The following LMNA variants were observed in gnomAD, a reference collection of about 807,000 sequenced individuals.
LMNA encodes the protein lamin A/C.
Under a neutral mutation model 70.4 loss-of-function variants are expected in LMNA, and 20 were observed. That is an observed-to-expected ratio of 0.28 (90% CI 0.20 to 0.41). The LOEUF is 0.41. Ranked by LOEUF, LMNA falls within the 10% of genes least tolerant of loss-of-function variation. The pLI is 1.00. For synonymous variants in LMNA, 339 were observed against 372.8 expected, an observed-to-expected ratio of 0.91 and a Z score of 1.04; for missense variants, 652 against 917.2, an observed-to-expected ratio of 0.71 and a Z score of 3.73.
chr1:156,129,424 A>G (rs935829652), intron 1 of LMNA, among the ~76,000 whole-genome samples: 1 of 152,024 alleles, frequency 6.6e-6, no homozygotes, highest in African/African-American at 2.4e-5. Flanking sequence ...GGCCTCTTGG[A>G]GTTTAGGACT....
In LMNA at chr1:156,139,761, T is replaced by G. The variant is rs1651955430; in HGVS notation, c.*655T>G. The G allele has an allele frequency of 6.5e-7, 1 of 1,534,218 alleles. No individual in the cohort carries two copies. The highest frequency in any genetic ancestry group is 8.7e-7 in the Non-Finnish European group (1 of 1,146,582). Reference sequence around the variant, plus strand: ...ACCAGCTGCGCTTGCTTTTCTGTATTTTATTTAGACAAGAGATGGGAATGA... The same window carrying G: ...ACCAGCTGCGCTTGCTTTTCTGTATGTTATTTAGACAAGAGATGGGAATGA... On this transcript the variant is annotated 3_prime_UTR_variant, in exon 12 of 12. Coordinates refer to ENST00000368300, the MANE Select transcript of LMNA (RefSeq NM_170707.4).
In LMNA at chr1:156,138,486, A is replaced by G. The variant is rs2102901069; in HGVS notation, c.1699-2A>G. 1.2e-6 allele frequency: 2 copies of G among 1,611,746 alleles called. No homozygotes were observed. The highest frequency in any genetic ancestry group is 1.7e-6 in the Non-Finnish European group (2 of 1,179,626). ...CCGCCTGAGCCTTGTCTCCCTTCCCAGGGCTCCCACTGCAGCAGCTCGGGG... is the reference window on the plus strand; with the variant it reads ...CCGCCTGAGCCTTGTCTCCCTTCCCGGGGCTCCCACTGCAGCAGCTCGGGG... On this transcript the variant is annotated splice_acceptor_variant, in intron 10 of 11. Coordinates refer to ENST00000368300, the MANE Select transcript of LMNA (RefSeq NM_170707.4). LOFTEE classifies it high-confidence loss of function. This position sits in a 1 kb window ranked among gnomAD's most constrained non-coding sequence, Gnocchi z 5.5.
chr1:156,136,371 C>A lies in LMNA; in HGVS notation c.1315C>A (p.Arg439Ser). 8 of 1,611,836 alleles carry A rather than the reference C, an allele frequency of 5.0e-6. No homozygotes were observed. Among genetic ancestry groups the A allele is most frequent in the Non-Finnish European group, 6.8e-6 (8 of 1,179,864 alleles). Residue 439 changes from arginine to serine, a missense_variant, in exon 7 of 12, where the codon CGC becomes AGC. Physicochemically the swap from Arg to Ser is moderately radical, Grantham distance 110 (BLOSUM62 -1). Transcript: ENST00000368300. This position sits in a 1 kb window ranked among gnomAD's most constrained non-coding sequence, Gnocchi z 6.1. ...CTCACAGCACGCACGCACTAGCGGG[C>A]GCGTGGCCGTGGAGGAGGTGGATGA... ...SFSQHARTSG[R>S]VAVEEVDEEG...
In LMNA at chr1:156,137,915, G is replaced by A; in HGVS notation, c.1698+172G>A. 7.1e-7 allele frequency: 1 copy of A among 1,404,618 alleles called. No individual in the cohort carries two copies. Among genetic ancestry groups the A allele is most frequent in the African/African-American group, 1.4e-5 (1 of 69,970 alleles). The allele number at this position is 1,404,618 out of a possible 1,614,324, so 87.0% of individuals were successfully genotyped here. On this transcript the variant is annotated intron_variant, in intron 10 of 11. Transcript: ENST00000368300. This position sits in a 1 kb window ranked among gnomAD's most constrained non-coding sequence, Gnocchi z 4.6. ...CTCTCCTCCCTATACCTTGAACAGG[G>A]AACCCAGGTGTCTGGGTGCCCTACT...
chr1:156,122,061 C>T (rs1393164301), intron 1 of LMNA, among the ~76,000 whole-genome samples: 4 of 152,008 alleles, frequency 2.6e-5, no homozygotes, highest in Non-Finnish European at 2.9e-5. Flanking sequence ...GCCGAGATCA[C>T]GCCACTGCAC....
At chr1:156,117,729 G>A (rs1020660970) in intron 1 of LMNA, among the ~76,000 whole-genome samples, 20 of 151,984 alleles carry the variant, frequency 1.3e-4, no homozygotes, top group Non-Finnish European at 2.8e-4. Context: ...ATGGGGTTTT[G>A]CCATGTTGCC....
intron 2 of LMNA, among the ~76,000 whole-genome samples, chr1:156,084,390 C>T (rs1027495622): frequency 6.9e-6 from 1 of 145,846 alleles, no homozygotes; most frequent in African/African-American, 2.6e-5. Flanking sequence ...GGCAGAAGAT[C>T]CAGGGAAGGA....
chr1:156,119,908 CAT>C (rs1456971672), intron 1 of LMNA, among the ~76,000 whole-genome samples: 2 of 152,222 alleles, frequency 1.3e-5, no homozygotes, highest in Non-Finnish European at 2.9e-5. Flanking sequence ...TGTCTGGACA[CAT>C]AGCTCTCTCT....
chr1:156,121,991 A>C (rs1279491713), intron 1 of LMNA, among the ~76,000 whole-genome samples: 1 of 152,138 alleles, frequency 6.6e-6, no homozygotes, highest in Admixed American at 6.6e-5. Context: ...CCCTGTCTCT[A>C]CTAAAAATAC....
At chr1:156,086,114 A>T (rs1416649814) in intron 2 of LMNA, among the ~76,000 whole-genome samples, 1 of 152,194 alleles carries the variant, frequency 6.6e-6, no homozygotes, top group Non-Finnish European at 1.5e-5. Context: ...GTGTTCAATC[A>T]GTTTTAGTTT....
intron 2 of LMNA, among the ~76,000 whole-genome samples, chr1:156,131,002 T>G (rs1651016655): frequency 6.6e-6 from 1 of 152,194 alleles, no homozygotes. Flanking sequence ...CCGGGCATGG[T>G]GGTTCACGCC....
At chr1:156,104,023 C>T (rs939388580) in intron 3 of LMNA, among the ~76,000 whole-genome samples, 1 of 152,192 alleles carries the variant, frequency 6.6e-6, no homozygotes, top group African/African-American at 2.4e-5. Context: ...TTCACAGCCC[C>T]CACTGAAGGA....
At chr1:156,117,022 T>C (rs1649872329) in intron 1 of LMNA, among the ~76,000 whole-genome samples, 1 of 150,188 alleles carries the variant, frequency 6.7e-6, no homozygotes, top group South Asian at 2.1e-4. Flanking sequence ...CAAAAGATTC[T>C]CCTGCCTCAG....
At chr1:156,118,587 G>A (rs866304282) in intron 1 of LMNA, among the ~76,000 whole-genome samples, 19 of 152,296 alleles carry the variant, frequency 1.2e-4, no homozygotes, top group Middle Eastern at 6.8e-3. Context: ...GACTCAGACT[G>A]GGGTGTCTGT....
intron 3 of LMNA, among the ~76,000 whole-genome samples, chr1:156,099,101 GC>G (rs1291394992): frequency 6.6e-6 from 1 of 152,170 alleles, no homozygotes; most frequent in African/African-American, 2.4e-5. Flanking sequence ...AGGGAGGCAG[GC>G]AGGCAAAGGC....
intron 1 of LMNA, chr1:156,130,039 A>G (rs666869): frequency 0.079 from 48,421 of 612,380 alleles, 5,036 homozygotes; most frequent in African/African-American, 0.39. Context: ...GTGCCTGGTC[A>G]TCCTTGTCTG....
Position 156,135,204 on chromosome 1 carries a change from G to A in LMNA, c.828G>A (p.Gln276=). 6.2e-7 allele frequency: 1 copy of A among 1,614,022 alleles called. No homozygotes were observed. Among genetic ancestry groups the A allele is most frequent in the African/African-American group, 1.3e-5 (1 of 75,074 alleles). ...TYSAKLDNAR[Q]SAERNSNLVG... ...CCCTCCAGCTGGACAATGCCAGGCAGTCTGCTGAGAGGAACAGCAACCTGG... is the reference window on the plus strand; with the variant it reads ...CCCTCCAGCTGGACAATGCCAGGCAATCTGCTGAGAGGAACAGCAACCTGG... The change falls in exon 5 of 12, where the codon CAG becomes CAA. Residue 276 remains glutamine, a synonymous_variant. Coordinates refer to ENST00000368300, the MANE Select transcript of LMNA (RefSeq NM_170707.4). The surrounding 1 kb of genome is among the most constrained non-coding windows in gnomAD (Gnocchi z 4.8).
At chr1:156,126,973 C>T in intron 1 of LMNA, 1 of 1,478,674 alleles carries the variant, frequency 6.8e-7, no homozygotes, top group Non-Finnish European at 9.1e-7. Flanking sequence ...GAGCATGAGT[C>T]ACCTGAGGGG....
In LMNA at chr1:156,115,879, G is replaced by C. The variant is rs1463901133; in HGVS notation, c.356+605G>C. Among the ~76,000 whole-genome samples the C allele has an allele frequency of 2.0e-5, 3 of 152,344 alleles. No homozygotes were observed. The South Asian group carries it at 6.2e-4, about 32-fold the overall frequency. ...CCCCCCTCAGCATGACCTTGTCCTG[G>C]GTTCTAAGGGTTGGGAAGTTCTCCC... On this transcript the variant is annotated intron_variant, in intron 1 of 11. Transcript: ENST00000368300. The surrounding 1 kb of genome is among the most constrained non-coding windows in gnomAD (Gnocchi z 5.8).
Sources: allele counts gnomAD v4.1 joint callset (sites outside exome capture counted in the v4.1 genomes callset), GRCh38; gene constraint gnomAD v4.1.1; non-coding constraint Gnocchi (gnomAD v3.1); transcripts MANE v1.5; gene names NCBI Gene and HGNC (gene_info 2026-07-23, HGNC 2026-07-21).